EPHA6: variants seen among roughly 807,000 people sequenced by gnomAD.
EPHA6 encodes the protein EPH receptor A6.
EPHA6 carries 50 observed loss-of-function variants against 112.0 expected under a neutral mutation model. The ratio of observed to expected loss-of-function variants is 0.45; its 90% confidence interval spans 0.36 to 0.56. EPHA6 has a LOEUF of 0.56. Ranked by LOEUF, EPHA6 falls within the 20% of genes least tolerant of loss-of-function variation. The probability of loss-of-function intolerance (pLI) is 0.00; values close to 1 mark genes in which losing one functional copy is unlikely to be tolerated. For missense variants in EPHA6, 1,280 were observed against 1,417.4 expected (o/e 0.90, Z 1.56); for synonymous variants, 529 against 490.7 (o/e 1.08, Z -1.03).
chr3:97,054,611 A>G (rs1224719920), intron 3 of EPHA6, among the ~76,000 whole-genome samples: 2 of 152,184 alleles, frequency 1.3e-5, no homozygotes, highest in African/African-American at 4.8e-5. Context: ...ATGTCATTAT[A>G]CACTGAAATG....
Position 96,814,765 on chromosome 3 carries a change from A to C in EPHA6, c.142A>C (p.Thr48Pro), listed in dbSNP as rs2032617181. The change falls in exon 1 of 18, where the codon ACA becomes CCA. Residue 48 changes from threonine to proline, a missense_variant. Thr to Pro is a conservative substitution (Grantham distance 38). Around this residue, in one of 4 missense-constraint regions of EPHA6, gnomAD observed 220 missense variants for 171.5 expected, o/e 1.28. Coordinates refer to ENST00000389672, the MANE Select transcript of EPHA6 (RefSeq NM_001080448.3). ...GACCTCGCGCAGGGGGCGCCCCGGGACACCCCCTGCGGGCCGGGTGGAGGA... is the reference window on the plus strand; with the variant it reads ...GACCTCGCGCAGGGGGCGCCCCGGGCCACCCCCTGCGGGCCGGGTGGAGGA... The part of the protein sequence containing the change: ...PGTSRRGRPG[T>P]PPAGRVEEEE... The C allele has an allele frequency of 6.2e-7, 1 of 1,600,572 alleles. No individual in the cohort carries two copies. The highest frequency in any genetic ancestry group is 8.5e-7 in the Non-Finnish European group (1 of 1,172,406).
intron 10 of EPHA6, among the ~76,000 whole-genome samples, chr3:97,491,618 CTTT>C (rs5851067): frequency 0.016 from 2,253 of 139,670 alleles, 78 homozygotes; most frequent in African/African-American, 0.055. Flanking sequence ...TAAGGGTATG[CTTT>C]TTTTTTTTTT....
At chr3:97,595,320 G>T (rs1243140947) in intron 12 of EPHA6, among the ~76,000 whole-genome samples, 3 of 152,184 alleles carry the variant, frequency 2.0e-5, no homozygotes, top group African/African-American at 7.2e-5. Context: ...TTAACAGAAT[G>T]CATTTGTGTA....
At chr3:97,379,599 A>G (rs969698789) in intron 5 of EPHA6, among the ~76,000 whole-genome samples, 20 of 151,774 alleles carry the variant, frequency 1.3e-4, no homozygotes, top group African/African-American at 4.8e-4. Flanking sequence ...AAATACAAAA[A>G]TTAGCTGGGC....
intron 3 of EPHA6, among the ~76,000 whole-genome samples, chr3:97,190,774 G>C (rs944952076): frequency 6.6e-6 from 1 of 152,054 alleles, no homozygotes; most frequent in Admixed American, 6.6e-5. Flanking sequence ...GCTAGATGAC[G>C]AGTTAGTGGG....
At chr3:97,211,805 G>GCTTA (rs2077884529) in intron 3 of EPHA6, among the ~76,000 whole-genome samples, 1 of 152,144 alleles carries the variant, frequency 6.6e-6, no homozygotes, top group African/African-American at 2.4e-5. Context: ...AAATGACAGA[G>GCTTA]CGAGTAAACT....
At chr3:97,525,305 A>T (rs1468386246) in intron 10 of EPHA6, among the ~76,000 whole-genome samples, 3 of 152,050 alleles carry the variant, frequency 2.0e-5, no homozygotes, top group Admixed American at 6.6e-5. Flanking sequence ...CAATTCTGCC[A>T]TTGTATCCTT....
At chr3:97,439,701 A>C in intron 6 of EPHA6, 3 of 793,294 alleles carry the variant, frequency 3.8e-6, no homozygotes, top group Non-Finnish European at 4.6e-6. Flanking sequence ...GGTTCAGTGA[A>C]GTTTCTCATC....
chr3:96,994,736 G>T (rs7433343), intron 3 of EPHA6, among the ~76,000 whole-genome samples: 8,000 of 99,292 alleles, frequency 0.081, 264 homozygotes, highest in South Asian at 0.09. Context: ...TATATATAGA[G>T]AGAGAGAGAG....
intron 5 of EPHA6, among the ~76,000 whole-genome samples, chr3:97,385,395 A>G (rs1023579867): frequency 6.6e-6 from 1 of 152,208 alleles, no homozygotes; most frequent in African/African-American, 2.4e-5. Flanking sequence ...CTATTTAAAT[A>G]TATACTCTTA....
At chr3:96,914,736 A>C (rs1360182358) in intron 2 of EPHA6, among the ~76,000 whole-genome samples, 1 of 152,110 alleles carries the variant, frequency 6.6e-6, no homozygotes, top group Admixed American at 6.6e-5. Flanking sequence ...AAAATTTGAA[A>C]ATACATACAT....
chr3:97,531,828 G>A (rs900226647), intron 10 of EPHA6, among the ~76,000 whole-genome samples: 1 of 152,000 alleles, frequency 6.6e-6, no homozygotes, highest in Non-Finnish European at 1.5e-5. Flanking sequence ...TTGTAATGTA[G>A]CCTGTATAAT....
chr3:97,308,512 T>C (rs2081417777), intron 5 of EPHA6, among the ~76,000 whole-genome samples: 2 of 151,758 alleles, frequency 1.3e-5, no homozygotes, highest in African/African-American at 4.8e-5. Context: ...AATTCACATA[T>C]CTATTCTCTT....
chr3:97,580,200 T>C (rs529841061), intron 11 of EPHA6, among the ~76,000 whole-genome samples: 2 of 152,334 alleles, frequency 1.3e-5, no homozygotes, highest in South Asian at 2.1e-4. Context: ...TGCTTCCAAA[T>C]GTTTTCCTCT....
intron 3 of EPHA6, among the ~76,000 whole-genome samples, chr3:97,143,234 C>G (rs947189759): frequency 2.4e-4 from 36 of 151,604 alleles, no homozygotes; most frequent in African/African-American, 2.4e-5. Flanking sequence ...CTACAATGTT[C>G]ACTGTTTGAG....
At chr3:97,398,841 A>G (rs2086831544) in intron 5 of EPHA6, among the ~76,000 whole-genome samples, 2 of 151,528 alleles carry the variant, frequency 1.3e-5, no homozygotes, top group African/African-American at 4.8e-5. Flanking sequence ...TGATGCATAA[A>G]AATGGTATAT....
At chr3:96,995,623 G>T (rs955696396) in intron 3 of EPHA6, among the ~76,000 whole-genome samples, 1 of 152,016 alleles carries the variant, frequency 6.6e-6, no homozygotes, top group African/African-American at 2.4e-5. Context: ...AGCAAATATC[G>T]CAGTAATGCA....
chr3:97,168,964 T>A (rs2076616238), intron 3 of EPHA6, among the ~76,000 whole-genome samples: 1 of 152,148 alleles, frequency 6.6e-6, no homozygotes, highest in African/African-American at 2.4e-5. Context: ...ACTAGAGAGT[T>A]ATTTATAGCA....
chr3:97,150,616 A>G (rs2108374419), intron 3 of EPHA6, among the ~76,000 whole-genome samples: 1 of 152,182 alleles, frequency 6.6e-6, no homozygotes, highest in East Asian at 1.9e-4. Flanking sequence ...TTGCCTTTAT[A>G]ACTGTGAGTA....
Sources: allele counts gnomAD v4.1 joint callset (sites outside exome capture counted in the v4.1 genomes callset), GRCh38; gene constraint gnomAD v4.1.1; regional missense constraint gnomAD v4.1.1; transcripts MANE v1.5; gene names NCBI Gene and HGNC (gene_info 2026-07-23, HGNC 2026-07-21).